Variants in SLC10A2 observed in about 807,000 individuals in gnomAD.
The protein encoded by SLC10A2 is ileal sodium/bile acid cotransporter.
Under a neutral mutation model 27.1 loss-of-function variants are expected in SLC10A2, and 34 were observed. The ratio of observed to expected loss-of-function variants is 1.26; its 90% confidence interval spans 0.96 to 1.67. SLC10A2 has a LOEUF of 1.67. Ranked by LOEUF, SLC10A2 falls within the 40% of genes most tolerant of loss-of-function variation. The pLI, the probability that SLC10A2 is intolerant of heterozygous loss-of-function variation, is 0.00. For missense variants in SLC10A2, 530 were observed against 444.4 expected, an observed-to-expected ratio of 1.19 and a Z score of -1.73; for synonymous variants, 205 against 174.0, an observed-to-expected ratio of 1.18 and a Z score of -1.40.
Position 103,065,886 on chromosome 13 carries a change from C to T in SLC10A2, c.364G>A (p.Asp122Asn), listed in dbSNP as rs200038147. The T allele has an allele frequency of 1.8e-5, 29 of 1,613,932 alleles. No homozygotes were observed. The highest frequency in any genetic ancestry group is 5.5e-5 in the South Asian group (5 of 91,076). Residue 122 changes from aspartate to asparagine, a missense_variant, in exon 1 of 6, where the codon GAC (aspartate) becomes AAC (asparagine). Transcript: ENST00000245312. Reference sequence around the variant, plus strand: ...AGATAATCTTACCTCAGGTCCATGTCGCCATCGACCCAATAGGCCAAGATA... The same window carrying T: ...AGATAATCTTACCTCAGGTCCATGTTGCCATCGACCCAATAGGCCAAGATA... The part of the protein sequence containing the change: ...SNILAYWVDG[D>N]MDLSVSMTTC...
At chr13:103,053,674 G>C (rs1293203985) in intron 2 of SLC10A2, among the ~76,000 whole-genome samples, 1 of 152,102 alleles carries the variant, frequency 6.6e-6, no homozygotes, top group East Asian at 1.9e-4. Flanking sequence ...GATTGAACTA[G>C]GACTAGAAAA....
chr13:103,062,003 A>G (rs1188510154), intron 1 of SLC10A2, among the ~76,000 whole-genome samples: 5 of 152,156 alleles, frequency 3.3e-5, no homozygotes, highest in Non-Finnish European at 7.4e-5. Context: ...TATAAGAAAA[A>G]TAAAAAAAAA....
In SLC10A2 at chr13:103,058,259, C is replaced by T. The variant is rs756875005; in HGVS notation, c.496+5G>A. 2.7e-6 allele frequency: 4 copies of T among 1,483,064 alleles called. No individual in the cohort carries two copies. Among genetic ancestry groups the T allele is most frequent in the Non-Finnish European group, 3.8e-6 (4 of 1,060,582 alleles). The allele number at this position is 1,483,064 out of a possible 1,614,324, so 91.9% of individuals were successfully genotyped here. A position where few individuals can be genotyped will look rare whatever the true frequency, so the allele number is the denominator to read the frequency against. On this transcript the variant is annotated splice_donor_5th_base_variant and intron_variant, in intron 2 of 5. Coordinates refer to ENST00000245312, the MANE Select transcript of SLC10A2 (RefSeq NM_000452.3). Reference sequence around the variant, plus strand: ...AGTCAACAGTCTTACAGATGGATGACTTACCTATGTTATCATAGGGAATTA... The same window carrying T: ...AGTCAACAGTCTTACAGATGGATGATTTACCTATGTTATCATAGGGAATTA...
rs199679714 is a variant in SLC10A2 at position 103,049,305 on chromosome 13, G to A, written c.903C>T (p.Ala301=). ...ATTCCTTACATCCTAAGAATATTGCGGCAAAGGCGAGCTGGAAAATGCTGT... is the reference window on the plus strand; with the variant it reads ...ATTCCTTACATCCTAAGAATATTGCAGCAAAGGCGAGCTGGAAAATGCTGT... The part of the protein sequence containing the change: ...LIYSIFQLAF[A]AIFLGFYVAY... The change falls in exon 5 of 6, where the codon GCC becomes GCT. Residue 301 remains alanine, a synonymous_variant. Coordinates refer to ENST00000245312, the MANE Select transcript of SLC10A2 (RefSeq NM_000452.3). 86 of 1,613,564 alleles carry A rather than the reference G, an allele frequency of 5.3e-5. No individual in the cohort carries two copies. Among genetic ancestry groups the A allele is most frequent in the African/African-American group, 2.9e-4 (22 of 74,890 alleles).
At chr13:103,064,549 G>C (rs960154697) in intron 1 of SLC10A2, among the ~76,000 whole-genome samples, 1 of 152,144 alleles carries the variant, frequency 6.6e-6, no homozygotes, top group Non-Finnish European at 1.5e-5. Context: ...TTTATTGGGG[G>C]TCAAGGCCCA....
At chr13:103,056,205 G>C (rs907625575) in intron 2 of SLC10A2, among the ~76,000 whole-genome samples, 3 of 152,224 alleles carry the variant, frequency 2.0e-5, no homozygotes, top group Admixed American at 2.0e-4. Flanking sequence ...CTTTTTGTCT[G>C]AATGCTCATT....
rs1459602994 is a variant in SLC10A2 at position 103,046,259 on chromosome 13, A to G, written c.921T>C (p.Phe307=). 1.2e-6 allele frequency: 2 copies of G among 1,610,744 alleles called. No individual in the cohort carries two copies. The highest frequency in any genetic ancestry group is 3.3e-5 in the Admixed American group (2 of 59,944). Residue 307 remains phenylalanine, a splice_region_variant and synonymous_variant, in exon 6 of 6, where the codon TTT becomes TTC. Coordinates refer to ENST00000245312, the MANE Select transcript of SLC10A2 (RefSeq NM_000452.3). ...QLAFAAIFLG[F]YVAYKKCHGK... ...CATGACATTTCTTGTATGCCACATA[A>G]ACTAGAAAACAATACACAGACAGTT...
intron 5 of SLC10A2, among the ~76,000 whole-genome samples, chr13:103,048,058 T>A (rs1282911964): frequency 6.6e-6 from 1 of 152,154 alleles, no homozygotes; most frequent in Non-Finnish European, 1.5e-5. Context: ...AAGACAGTAG[T>A]GCAGAGGAGA....
chr13:103,058,210 G>T (rs1264117395), intron 2 of SLC10A2, 54 bp downstream of exon 2: 1 of 1,037,608 alleles, frequency 9.6e-7, no homozygotes, highest in Non-Finnish European at 1.5e-6. Context: ...CTAGCAGGGG[G>T]TAAGCAGAGA....
rs1220224573 is a variant in SLC10A2 at position 103,065,970 on chromosome 13, G to A, written c.280C>T (p.Pro94Ser). 1.2e-6 allele frequency: 2 copies of A among 1,614,060 alleles called. No individual in the cohort carries two copies. Among genetic ancestry groups the A allele is most frequent in the African/African-American group, 1.3e-5 (1 of 74,928 alleles). ...ATGAGCACCACTACGGCCTGGAGCG[G>A]GAGGATGTCAAAGGCCACCGACAGG... ...FILSVAFDILPLQAVVVLIIG... is the reference protein window; with the variant it reads ...FILSVAFDILSLQAVVVLIIG... Residue 94 changes from proline to serine, a missense_variant, in exon 1 of 6, where the codon CCG (proline) becomes TCG (serine). By Grantham distance (74) the Pro-to-Ser change is moderately conservative. Transcript: ENST00000245312.
intron 1 of SLC10A2, among the ~76,000 whole-genome samples, chr13:103,064,565 C>T (rs1052487367): frequency 6.6e-6 from 1 of 152,102 alleles, no homozygotes; most frequent in Admixed American, 6.5e-5. Context: ...GCCCAATGTT[C>T]CAAGTAGTTC....
At chr13:103,062,329 A>G (rs1335010510) in intron 1 of SLC10A2, among the ~76,000 whole-genome samples, 5 of 152,248 alleles carry the variant, frequency 3.3e-5, no homozygotes, top group African/African-American at 1.2e-4. Context: ...TCAGGCATAC[A>G]TTGACTCAAT....
intron 3 of SLC10A2, among the ~76,000 whole-genome samples, chr13:103,051,862 A>G (rs1310127295): frequency 2.0e-5 from 3 of 152,144 alleles, no homozygotes; most frequent in South Asian, 2.1e-4. Flanking sequence ...TCCCTTTATG[A>G]TTGTTACGAT....
In SLC10A2 at chr13:103,049,393, G is replaced by A. The variant is rs182021361; in HGVS notation, c.815C>T (p.Thr272Ile). The change falls in exon 5 of 6, where the codon ACC (threonine) becomes ATC (isoleucine). Residue 272 changes from threonine to isoleucine, a missense_variant. By Grantham distance (89) the Thr-to-Ile change is moderately conservative. Coordinates refer to ENST00000245312, the MANE Select transcript of SLC10A2 (RefSeq NM_000452.3). ...TGMQNTQLCS[T>I]IVQLSFTPEE... ...AGGAGTGAAGGAGAGCTGAACGATGGTGGAACATAGCTGCGTGTTCTGCAT... is the reference window on the plus strand; with the variant it reads ...AGGAGTGAAGGAGAGCTGAACGATGATGGAACATAGCTGCGTGTTCTGCAT... 29 of 1,613,930 alleles carry A rather than the reference G, an allele frequency of 1.8e-5. No homozygotes were observed. Among genetic ancestry groups the A allele is most frequent in the African/African-American group, 2.7e-5 (2 of 74,900 alleles).
intron 5 of SLC10A2, among the ~76,000 whole-genome samples, chr13:103,047,863 T>C (rs960885256): frequency 6.6e-6 from 1 of 152,090 alleles, no homozygotes; most frequent in African/African-American, 2.4e-5. Context: ...CATCATTAAG[T>C]AATTATTTGG....
chr13:103,052,285 T>C (rs1183582639), intron 3 of SLC10A2, among the ~76,000 whole-genome samples: 1 of 152,126 alleles, frequency 6.6e-6, no homozygotes, highest in Admixed American at 6.5e-5. Flanking sequence ...CAGTGGAGTG[T>C]CTTAAAGAAT....
intron 1 of SLC10A2, 99 bp from the exon 2 acceptor site, chr13:103,058,481 G>A: frequency 2.6e-6 from 2 of 768,238 alleles, no homozygotes; most frequent in Non-Finnish European, 4.6e-6. Context: ...TTTAAGTTTA[G>A]GGGTATATGT....
intron 2 of SLC10A2, among the ~76,000 whole-genome samples, chr13:103,054,964 C>T (rs146555861): frequency 3.9e-4 from 60 of 152,220 alleles, no homozygotes; most frequent in African/African-American, 1.4e-3. Context: ...GAATCCATAA[C>T]TTGGTCTTTA....
rs886443246 is a variant in SLC10A2 at position 103,066,011 on chromosome 13, G to A, written c.239C>T (p.Pro80Leu). ...VGFLCQFGIM[P>L]LTGFILSVAF... ...CACCGACAGGATGAATCCTGTGAGGGGCATGATTCCAAACTGACAGAGGAA... is the reference window on the plus strand; with the variant it reads ...CACCGACAGGATGAATCCTGTGAGGAGCATGATTCCAAACTGACAGAGGAA... The change falls in exon 1 of 6, where the codon CCC becomes CTC. Residue 80 changes from proline (P) to leucine (L), a missense_variant. By Grantham distance (98) the Pro-to-Leu change is moderately conservative. Transcript: ENST00000245312. 1.2e-6 allele frequency: 2 copies of A among 1,613,836 alleles called. No homozygotes were observed. The highest frequency in any genetic ancestry group is 1.7e-6 in the Non-Finnish European group (2 of 1,179,938).
Sources: gnomAD v4.1 joint callset for allele counts (sites outside exome capture counted in the v4.1 genomes callset) on GRCh38, gnomAD v4.1.1 for gene constraint, MANE v1.5 for transcripts, NCBI Gene and HGNC (gene_info 2026-07-23, HGNC 2026-07-21) for gene names.